Variants in TRMT6 observed in about 807,000 individuals in gnomAD.
TRMT6 encodes the protein tRNA (adenine(58)-N(1))-methyltransferase non-catalytic subunit TRM6.
In TRMT6, 34 loss-of-function variants were observed where a neutral mutation model predicts 59.0. That is an observed-to-expected ratio of 0.58 (90% CI 0.44 to 0.77). The LOEUF (loss-of-function observed/expected upper bound fraction) is 0.77, where lower values mean the gene tolerates loss of function less well. Ranked by LOEUF, TRMT6 falls within the 30% of genes least tolerant of loss-of-function variation. The pLI, the probability that TRMT6 is intolerant of heterozygous loss-of-function variation, is 0.00. For synonymous variants in TRMT6, 217 were observed against 210.5 expected, an observed-to-expected ratio of 1.03 and a Z score of -0.27; for missense variants, 575 against 604.5, an observed-to-expected ratio of 0.95 and a Z score of 0.51.
In TRMT6 at chr20:5,946,421, C is replaced by T. The variant is rs758496916; in HGVS notation, c.241G>A (p.Glu81Lys). 6.2e-7 allele frequency: 1 copy of T among 1,614,104 alleles called. No individual in the cohort carries two copies. The highest frequency in any genetic ancestry group is 1.7e-5 in the Admixed American group (1 of 59,944). The change falls in exon 2 of 11, where the codon GAA becomes AAA. Residue 81 changes from glutamate to lysine, a missense_variant. Glu to Lys is a moderately conservative substitution (Grantham distance 56). Transcript: ENST00000203001. ...AAATGTGCACCTGCAGTAGGCTCTT[C>T]CCTCTTCTTCTTGGGCTGTAGACTT... The part of the protein sequence containing the change: ...GGSLQPKKKR[E>K]EPTAETKEAG...
intron 10 of TRMT6, among the ~76,000 whole-genome samples, chr20:5,940,226 T>G (rs1344339666): frequency 6.6e-6 from 1 of 152,196 alleles, no homozygotes; most frequent in African/African-American, 2.4e-5. Flanking sequence ...CCTCTCCCCT[T>G]ATCTTTCTAA....
Position 5,943,553 on chromosome 20 carries a change from T to C in TRMT6, c.667+6A>G, listed in dbSNP as rs1309490560. 3 of 1,613,576 alleles carry C rather than the reference T, an allele frequency of 1.9e-6. No homozygotes were observed. Among genetic ancestry groups the C allele is most frequent in the Non-Finnish European group, 2.5e-6 (3 of 1,179,874 alleles). ...TTTTGTTGAAAATGGAAATATTAAA[T>C]CTTACCTCCCATTCGTTCCATCATT... On this transcript the variant is annotated splice_donor_region_variant and intron_variant, in intron 6 of 10. Coordinates refer to ENST00000203001, the MANE Select transcript of TRMT6 (RefSeq NM_015939.5).
chr20:5,943,604 T>C lies in TRMT6; in HGVS notation c.622A>G (p.Thr208Ala), dbSNP rs1373279812. 1 of 1,614,224 alleles carries C rather than the reference T, an allele frequency of 6.2e-7. No individual in the cohort carries two copies. The highest frequency in any genetic ancestry group is 1.1e-5 in the South Asian group (1 of 91,088). ...GCACCCAGCACCAAGCCTGCACACGTTTCCATCACAATCATTTTGTTGCCA... is the reference window on the plus strand; with the variant it reads ...GCACCCAGCACCAAGCCTGCACACGCTTCCATCACAATCATTTTGTTGCCA... ...RAGNKMIVME[T>A]CAGLVLGAMM... Residue 208 changes from threonine to alanine, a missense_variant, in exon 6 of 11, where the codon ACG becomes GCG. Thr to Ala is a moderately conservative substitution (Grantham distance 58). Transcript: ENST00000203001.
Position 5,938,565 on chromosome 20 carries a change from T to C in TRMT6, c.1464A>G (p.Lys488=), listed in dbSNP as rs139538292. 305 of 1,614,132 alleles carry C rather than the reference T, an allele frequency of 1.9e-4. 1 individual carries two copies. The African/African-American group carries it at 3.4e-3, about 18-fold the overall frequency. The change falls in exon 11 of 11, where the codon AAA becomes AAG. Residue 488 remains lysine (K), a synonymous_variant. Coordinates refer to ENST00000203001, the MANE Select transcript of TRMT6 (RefSeq NM_015939.5). ...ESHETEEPAA[K]KRKCPESDS is the part of the protein sequence containing the mutation. ...AGTCAGACTCTGGGCATTTTCGTTT[T>C]TTAGCTGCAGGCTCCTCAGTCTCGT...
chr20:5,949,943 G>A (rs1023378254), intron 1 of TRMT6, among the ~76,000 whole-genome samples: 1 of 152,042 alleles, frequency 6.6e-6, no homozygotes, highest in Admixed American at 6.6e-5. Flanking sequence ...TGGAGAGGGA[G>A]GCATTGGCAC....
At chr20:5,948,576 A>T in intron 1 of TRMT6, among the ~76,000 whole-genome samples, 1 of 152,298 alleles carries the variant, frequency 6.6e-6, no homozygotes, top group Non-Finnish European at 1.5e-5. Flanking sequence ...ACTACTGTTC[A>T]TGCCTGTAAT....
In TRMT6 at chr20:5,938,581, T is replaced by G; in HGVS notation, c.1448A>C (p.Glu483Ala). The G allele has an allele frequency of 6.2e-7, 1 of 1,614,250 alleles. No homozygotes were observed. Among genetic ancestry groups the G allele is most frequent in the Non-Finnish European group, 8.5e-7 (1 of 1,180,032 alleles). ...NASTLESHET[E>A]EPAAKKRKCP... ...TTTTCGTTTTTTAGCTGCAGGCTCC[T>G]CAGTCTCGTGTGATTCTAAAGTGCT... The change falls in exon 11 of 11, where the codon GAG becomes GCG. Residue 483 changes from glutamate (E) to alanine (A), a missense_variant. Coordinates refer to ENST00000203001, the MANE Select transcript of TRMT6 (RefSeq NM_015939.5).
chr20:5,950,519 G>T lies in TRMT6; in HGVS notation c.-114C>A. 8.2e-7 allele frequency: 1 copy of T among 1,218,242 alleles called. No homozygotes were observed. The highest frequency in any genetic ancestry group is 1.1e-6 in the Non-Finnish European group (1 of 916,174). 75.5% of individuals were successfully genotyped at this position (1,218,242 alleles called of 1,614,324 possible). On this transcript the variant is annotated 5_prime_UTR_variant, in exon 1 of 11. Transcript: ENST00000203001. ...CACTAGGAGCCCTCCGACCGGCACC[G>T]CCCCCACGTGTTGCACGCCGCTTCC...
In TRMT6 at chr20:5,940,083, C is replaced by T. The variant is rs570670762; in HGVS notation, c.1302+970G>A. 1.1e-3 allele frequency among the ~76,000 whole-genome samples: 165 copies of T among 152,284 alleles called. 4 individuals carry two copies. In the South Asian group the frequency reaches 0.029, roughly 27 times the overall value. On this transcript the variant is annotated intron_variant, in intron 10 of 10. Coordinates refer to ENST00000203001, the MANE Select transcript of TRMT6 (RefSeq NM_015939.5). Reference sequence around the variant, plus strand: ...GCTTAACACAGGGCTCCTTGAATGGCGATCTTTCCACTTGGGCTCGCCATC... The same window carrying T: ...GCTTAACACAGGGCTCCTTGAATGGTGATCTTTCCACTTGGGCTCGCCATC...
At chr20:5,943,873 C>T in intron 5 of TRMT6, 75 bp downstream of exon 5, 1 of 1,555,024 alleles carries the variant, frequency 6.4e-7, no homozygotes, top group Non-Finnish European at 8.7e-7. Context: ...CAAGCTTTTT[C>T]ATTTTACTTA....
At chr20:5,942,074 C>A in intron 7 of TRMT6, 38 bp from the exon 8 acceptor site, 2 of 1,539,810 alleles carry the variant, frequency 1.3e-6, no homozygotes, top group African/African-American at 1.4e-5. Context: ...GTACTGGGGT[C>A]TTTCAGTCAA....
At chr20:5,939,248 T>C (rs1490025134) in intron 10 of TRMT6, among the ~76,000 whole-genome samples, 1 of 152,162 alleles carries the variant, frequency 6.6e-6, no homozygotes, top group African/African-American at 2.4e-5. Flanking sequence ...TTTGGGATGC[T>C]GAGGCAGGTG....
chr20:5,946,317 T>A, intron 2 of TRMT6, 89 bp downstream of exon 2: 7 of 1,511,990 alleles, frequency 4.6e-6, no homozygotes, highest in Non-Finnish European at 6.4e-6. Context: ...TGGGATAGCA[T>A]GGCCTAGCAC....
At chr20:5,943,759 GTTTGC>G in intron 5 of TRMT6, 76 bp from the exon 6 acceptor site, 1 of 1,559,144 alleles carries the variant, frequency 6.4e-7, no homozygotes. Flanking sequence ...TTCAAGTTTT[GTTTGC>G]TTTATTAAAA....
intron 6 of TRMT6, 139 bp downstream of exon 6, chr20:5,943,420 A>G: frequency 9.0e-7 from 1 of 1,113,818 alleles, no homozygotes; most frequent in Non-Finnish European, 1.3e-6. Context: ...TCCCCATGCT[A>G]GGAGCCGTGC....
chr20:5,944,789 A>G lies in TRMT6; in HGVS notation c.366+16T>C. On this transcript the variant is annotated intron_variant, in intron 3 of 10. Transcript: ENST00000203001. The stretch of plus-strand genomic sequence containing the variant: ...CAAACAGACAAAAACAAAACTAAAA[A>G]TCCTTTGAATATTACCTCTCCTTTA... 1 of 1,595,884 alleles carries G rather than the reference A, an allele frequency of 6.3e-7. No individual in the cohort carries two copies. Among genetic ancestry groups the G allele is most frequent in the Non-Finnish European group, 8.6e-7 (1 of 1,166,316 alleles).
At position 5,950,506 on chromosome 20, in the gene TRMT6, T is replaced by G. The variant is rs1213087035; in HGVS notation, c.-101A>C. The G allele has an allele frequency of 4.4e-6, 6 of 1,350,048 alleles. No homozygotes were observed. Among genetic ancestry groups the G allele is most frequent in the Non-Finnish European group, 5.9e-6 (6 of 1,021,946 alleles). The allele number at this position is 1,350,048 out of a possible 1,614,324, so 83.6% of individuals were successfully genotyped here. A position where few individuals can be genotyped will look rare whatever the true frequency, so the allele number is the denominator to read the frequency against. On this transcript the variant is annotated 5_prime_UTR_variant, in exon 1 of 11. Transcript: ENST00000203001. Reference sequence around the variant, plus strand: ...CCACAACCTGGCGCACTAGGAGCCCTCCGACCGGCACCGCCCCCACGTGTT... The same window carrying G: ...CCACAACCTGGCGCACTAGGAGCCCGCCGACCGGCACCGCCCCCACGTGTT...
intron 10 of TRMT6, among the ~76,000 whole-genome samples, chr20:5,940,570 C>T (rs991851424): frequency 9.9e-5 from 15 of 152,278 alleles, no homozygotes; most frequent in Non-Finnish European, 1.8e-4. Flanking sequence ...TGAGTAACAG[C>T]CATGAGAAAT....
intron 7 of TRMT6, 134 bp downstream of exon 7, chr20:5,942,294 C>T: frequency 1.2e-6 from 1 of 863,906 alleles, no homozygotes; most frequent in Admixed American, 1.9e-5. Context: ...TACATGTACA[C>T]ACACTCGTTC....
Sources: allele counts gnomAD v4.1 joint callset (sites outside exome capture counted in the v4.1 genomes callset), GRCh38; gene constraint gnomAD v4.1.1; transcripts MANE v1.5; gene names NCBI Gene and HGNC (gene_info 2026-07-23, HGNC 2026-07-21).